The following ECT2 variants were observed in gnomAD, a reference collection of about 807,000 sequenced individuals.
The protein encoded by ECT2 is protein ECT2.
In ECT2, 61 loss-of-function variants were observed where a neutral mutation model predicts 116.9. The ratio of observed to expected loss-of-function variants is 0.52; its 90% CI spans 0.42 to 0.65. The LOEUF (loss-of-function observed/expected upper bound fraction) is 0.65. Ranked by LOEUF, ECT2 falls within the 30% of genes least tolerant of loss-of-function variation. The pLI is 0.00. For synonymous variants in ECT2, 358 were observed against 346.4 expected, an observed-to-expected ratio of 1.03 and a Z score of -0.37; for missense variants, 937 against 1,078.7, an observed-to-expected ratio of 0.87 and a Z score of 1.84.
chr3:172,782,277 C>G (rs1722847328), intron 15 of ECT2, 46 bp downstream of exon 15: 1 of 1,198,344 alleles, frequency 8.3e-7, no homozygotes, highest in South Asian at 1.4e-5. Flanking sequence ...AAAATATGAT[C>G]TCATCAAGGA....
At chr3:172,757,902 T>C (rs917202872) in intron 5 of ECT2, among the ~76,000 whole-genome samples, 14 of 152,168 alleles carry the variant, frequency 9.2e-5, no homozygotes, top group African/African-American at 3.1e-4. Context: ...TATTTATTTA[T>C]TTAATAAATA....
intron 1 of ECT2, among the ~76,000 whole-genome samples, chr3:172,752,676 T>C (rs1716134459): frequency 6.6e-6 from 1 of 152,198 alleles, no homozygotes; most frequent in Non-Finnish European, 1.5e-5. Flanking sequence ...AGAATAATGA[T>C]TGACATGGAT....
chr3:172,829,071 CT>C, the ECT2 span: 1 of 709,520 alleles, frequency 1.4e-6, no homozygotes, highest in Non-Finnish European at 2.6e-6. Flanking sequence ...TAGATGAACT[CT>C]CTGGGCTATT....
chr3:172,751,658 G>T (rs1192847624), intron 1 of ECT2, among the ~76,000 whole-genome samples: 1 of 152,164 alleles, frequency 6.6e-6, no homozygotes, highest in Non-Finnish European at 1.5e-5. Context: ...TGCCTAAAAA[G>T]TATTTAAGTA....
rs1453037116 is a variant in ECT2, at chr3:172,754,649, C to G, written c.119C>G (p.Ser40Ter). 2 of 1,605,674 alleles carry G rather than the reference C, an allele frequency of 1.2e-6. No homozygotes were observed. Among genetic ancestry groups the G allele is most frequent in the Non-Finnish European group, 8.5e-7 (1 of 1,174,716 alleles). Residue 40 changes from serine (S) to a stop codon, truncating the protein, a stop_gained, in exon 2 of 25, where the codon TCA becomes TGA. Transcript: ENST00000392692. LOFTEE classifies it high-confidence loss of function. The part of the protein sequence containing the change: ...SKENLLIGST[S>*]YVEEEMPQIE... The stretch of plus-strand genomic sequence containing the variant: ...GAAAACTTACTTATTGGATCTACTT[C>G]ATATGTAGAAGGTAAACCTGTTACC...
Position 172,786,554 on chromosome 3 carries a change from A to G in ECT2, c.1887A>G (p.Gly629=), listed in dbSNP as rs145382413. The part of the protein sequence containing the change: ...PDKSTLEKAI[G]SLKEVMTHIN... ...AAAGCACTTTAGAAAAAGCTATTGG[A>G]TCACTGAAGGAAGTAATGACGTAAG... is the stretch of plus-strand genomic sequence containing the variant. The change falls in exon 18 of 25, where the codon GGA becomes GGG. Residue 629 remains glycine, a synonymous_variant. Coordinates refer to ENST00000392692, the MANE Select transcript of ECT2 (RefSeq NM_001258315.2). The G allele has an allele frequency of 3.1e-6, 5 of 1,609,986 alleles. No homozygotes were observed. The highest frequency in any genetic ancestry group is 4.2e-6 in the Non-Finnish European group (5 of 1,177,100).
At chr3:172,762,001 G>C (rs1478826224) in intron 8 of ECT2, among the ~76,000 whole-genome samples, 2 of 151,916 alleles carry the variant, frequency 1.3e-5, no homozygotes, top group Non-Finnish European at 2.9e-5. Flanking sequence ...GTGTTATCTG[G>C]TTACATTTTA....
chr3:172,776,936 G>A (rs767317606), intron 14 of ECT2, among the ~76,000 whole-genome samples: 26 of 151,244 alleles, frequency 1.7e-4, no homozygotes, highest in Non-Finnish European at 3.2e-4. Context: ...GTGCAGTGGT[G>A]CAGTCTTGGC....
rs1729781425 is a variant in ECT2 at position 172,816,723 on chromosome 3, A to G, written c.2541A>G (p.Pro847=). ...GAGCATTCTCTTTCTCCAAAACTCC[A>G]AAAAGAGCTCTTCGAAGGGCTCTTA... is the stretch of plus-strand genomic sequence containing the variant. ...VTRAFSFSKT[P]KRALRRALMT... The change falls in exon 24 of 25, where the codon CCA becomes CCG. Residue 847 remains proline, a synonymous_variant. Transcript: ENST00000392692. The G allele has an allele frequency of 6.2e-7, 1 of 1,606,682 alleles. No individual in the cohort carries two copies. The highest frequency in any genetic ancestry group is 8.5e-7 in the Non-Finnish European group (1 of 1,175,006).
chr3:172,770,111 G>C (rs1720326460), intron 13 of ECT2, among the ~76,000 whole-genome samples: 1 of 152,120 alleles, frequency 6.6e-6, no homozygotes, highest in Non-Finnish European at 1.5e-5. Context: ...AGCAGTCAGG[G>C]TTTTATGAGG....
chr3:172,824,408 T>C (rs1730792058), downstream of ECT2, among the ~76,000 whole-genome samples: 1 of 152,052 alleles, frequency 6.6e-6, no homozygotes, highest in Non-Finnish European at 1.5e-5. Context: ...GGGAAGGTGC[T>C]ACACACTTGT....
At chr3:172,825,345 TAATC>T (rs1730815905), downstream of ECT2, among the ~76,000 whole-genome samples, 1 of 151,934 alleles carries the variant, frequency 6.6e-6, no homozygotes. Flanking sequence ...AATTAATAAT[TAATC>T]CTACAATGGC....
intron 1 of ECT2, among the ~76,000 whole-genome samples, chr3:172,751,427 G>T (rs1025806343): frequency 6.6e-6 from 1 of 152,196 alleles, no homozygotes; most frequent in Non-Finnish European, 1.5e-5. Flanking sequence ...TGACTTAGGG[G>T]AAGTTGCTTA....
At chr3:172,787,734 A>G (rs1190905938) in intron 18 of ECT2, among the ~76,000 whole-genome samples, 1 of 152,206 alleles carries the variant, frequency 6.6e-6, no homozygotes, top group Non-Finnish European at 1.5e-5. Context: ...TTTATGAAGT[A>G]GGCAGTCATT....
chr3:172,774,026 A>C lies in ECT2; in HGVS notation c.1548+4A>C, dbSNP rs1288748093. The C allele has an allele frequency of 1.2e-6, 2 of 1,609,388 alleles. No individual in the cohort carries two copies. The highest frequency in any genetic ancestry group is 2.2e-5 in the South Asian group (2 of 90,666). On this transcript the variant is annotated splice_donor_region_variant and intron_variant, in intron 14 of 24. Coordinates refer to ENST00000392692, the MANE Select transcript of ECT2 (RefSeq NM_001258315.2). ...TGATGTACACACTAAGATAAAGGTA[A>C]ATTTGTATATGTTAGATTGGTAGTA... is the stretch of plus-strand genomic sequence containing the variant.
At chr3:172,763,747 T>C (rs1718787174) in intron 11 of ECT2, among the ~76,000 whole-genome samples, 1 of 152,218 alleles carries the variant, frequency 6.6e-6, no homozygotes, top group African/African-American at 2.4e-5. Context: ...TACTTCAGTT[T>C]AGGATTTAAT....
At chr3:172,793,617 C>T (rs1725085424) in intron 18 of ECT2, among the ~76,000 whole-genome samples, 1 of 152,080 alleles carries the variant, frequency 6.6e-6, no homozygotes, top group African/African-American at 2.4e-5. Flanking sequence ...GCACCTGCCA[C>T]CATGCCCAGC....
intron 18 of ECT2, among the ~76,000 whole-genome samples, chr3:172,794,654 G>A (rs930802504): frequency 1.3e-5 from 2 of 152,046 alleles, no homozygotes; most frequent in African/African-American, 4.8e-5. Context: ...AAAACTGTGG[G>A]GAATGTGTAT....
At chr3:172,778,249 C>T (rs1221674503) in intron 14 of ECT2, among the ~76,000 whole-genome samples, 4 of 152,134 alleles carry the variant, frequency 2.6e-5, no homozygotes, top group East Asian at 1.9e-4. Context: ...TAGAATTGTC[C>T]GTTCTTTTAG....
Sources: allele counts gnomAD v4.1 joint callset (sites outside exome capture counted in the v4.1 genomes callset), GRCh38; gene constraint gnomAD v4.1.1; transcripts MANE v1.5; gene names NCBI Gene and HGNC (gene_info 2026-07-23, HGNC 2026-07-21).